The following DIS3L variants were observed in gnomAD, a reference collection of about 807,000 sequenced individuals.
DIS3L encodes DIS3 like exosome 3'-5' exoribonuclease, also known as DIS3-like exonuclease 1.
In DIS3L, 100 loss-of-function variants were observed where a neutral mutation model predicts 120.3. The observed-to-expected ratio is 0.83, with a 90% confidence interval of 0.71 to 0.98. The LOEUF is 0.98. DIS3L is among the 50% of genes least tolerant of loss of function. The pLI, the probability that DIS3L is intolerant of heterozygous loss-of-function variation, is 0.00. For missense variants in DIS3L, 1,196 were observed against 1,314.2 expected (o/e 0.91, Z 1.39); for synonymous variants, 426 against 470.6 (o/e 0.91, Z 1.23).
At chr15:66,294,139 G>T in intron 1 of DIS3L, 4 of 985,604 alleles carry the variant, frequency 4.1e-6, no homozygotes, top group Non-Finnish European at 4.8e-6. Context: ...AGCTGCTGCC[G>T]CTGCGAAGCT....
At chr15:66,294,801 T>G (rs1281943509) in intron 1 of DIS3L, among the ~76,000 whole-genome samples, 187 bp from the exon 2 acceptor site, 1 of 152,124 alleles carries the variant, frequency 6.6e-6, no homozygotes, top group Non-Finnish European at 1.5e-5. Context: ...TTATCACAGC[T>G]TCCAAAAAAA....
rs1279647363 is a variant in DIS3L, at chr15:66,311,663, G to C, written c.559-61G>C. 3.1e-6 allele frequency: 5 copies of C among 1,594,360 alleles called. No homozygotes were observed. The African/African-American group carries it at 5.4e-5, about 17-fold the overall frequency. On this transcript the variant is annotated intron_variant, in intron 4 of 16. Coordinates refer to ENST00000319212, the MANE Select transcript of DIS3L (RefSeq NM_001143688.3). ...TTCCTAGTCAGGAGTTTCTGTCATA[G>C]TACCATGGTGAAGAATCAGTACCTT...
intron 2 of DIS3L, among the ~76,000 whole-genome samples, chr15:66,298,000 C>T (rs1219012869): frequency 2.6e-5 from 4 of 151,960 alleles, no homozygotes; most frequent in East Asian, 1.9e-4. Flanking sequence ...GCCAACATGG[C>T]GAAATCCTGT....
At chr15:66,293,495 C>T, upstream of DIS3L, 1 of 1,243,342 alleles carries the variant, frequency 8.0e-7, no homozygotes. Context: ...GCAGTTACGG[C>T]GGTTCCGGAG....
At chr15:66,313,891 A>G in intron 5 of DIS3L, 148 bp from the exon 6 acceptor site, 93 of 494,868 alleles carry the variant, frequency 1.9e-4, no homozygotes, top group Middle Eastern at 1.8e-3. Flanking sequence ...GTGTGTGTAT[A>G]TATATATATA....
At chr15:66,297,454 A>G (rs1173988472) in intron 2 of DIS3L, among the ~76,000 whole-genome samples, 1 of 152,190 alleles carries the variant, frequency 6.6e-6, no homozygotes, top group Non-Finnish European at 1.5e-5. Context: ...TAAAAATCAT[A>G]TATATTTATG....
intron 4 of DIS3L, among the ~76,000 whole-genome samples, chr15:66,310,312 A>G (rs1421764266): frequency 6.6e-6 from 1 of 152,198 alleles, no homozygotes; most frequent in Admixed American, 6.5e-5. Flanking sequence ...TTCTGTTGCA[A>G]TACATCATGT....
rs2092929598 is a variant in DIS3L, at chr15:66,325,835, G to T, written c.1672G>T (p.Ala558Ser). ...CSLLGGVDRY[A>S]VSIMWELDKA... ...TCAATGTTACTGTTTTTGTAGGTAT[G>T]CTGTAAGCATCATGTGGGAACTGGA... The change falls in exon 12 of 17, where the codon GCT (alanine) becomes TCT (serine). Residue 558 changes from alanine (A) to serine (S), a missense_variant. Physicochemically the swap from Ala to Ser is moderately conservative, Grantham distance 99. Coordinates refer to ENST00000319212, the MANE Select transcript of DIS3L (RefSeq NM_001143688.3). 1 of 1,598,168 alleles carries T rather than the reference G, an allele frequency of 6.3e-7. No individual in the cohort carries two copies. Among genetic ancestry groups the T allele is most frequent in the Non-Finnish European group, 8.6e-7 (1 of 1,168,108 alleles).
intron 6 of DIS3L, among the ~76,000 whole-genome samples, chr15:66,314,743 A>C (rs1044845089): frequency 6.6e-6 from 1 of 152,214 alleles, no homozygotes; most frequent in Non-Finnish European, 1.5e-5. Flanking sequence ...ATAGGCTCAC[A>C]TAGTTGCATG....
At chr15:66,329,962 C>T (rs1188841724) in intron 14 of DIS3L, 18 of 984,546 alleles carry the variant, frequency 1.8e-5, no homozygotes, top group Non-Finnish European at 2.2e-5. Context: ...TATCTTACCA[C>T]CCAGAGCTAA....
chr15:66,306,698 G>A lies in DIS3L; in HGVS notation c.294-126G>A, dbSNP rs1201126167. The A allele has an allele frequency of 4.5e-6, 6 of 1,330,018 alleles. No homozygotes were observed. In the African/African-American group the frequency reaches 7.3e-5, roughly 16 times the overall value. The allele number at this position is 1,330,018 out of a possible 1,614,324, so 82.4% of individuals were successfully genotyped here. ...CACACTGAGACCAATATAAATACAT[G>A]TTCTTCAGGTTTAAAGTAATCAATC... On this transcript the variant is annotated intron_variant, in intron 2 of 16. Transcript: ENST00000319212.
chr15:66,293,820 G>A, intron 1 of DIS3L, 85 bp downstream of exon 1: 2 of 1,055,688 alleles, frequency 1.9e-6, no homozygotes, highest in Non-Finnish European at 2.3e-6. Context: ...GAGGCGGAGC[G>A]CCAGCGGCGG....
Position 66,311,905 on chromosome 15 carries a change from G to A in DIS3L, c.735+5G>A. 1.2e-6 allele frequency: 2 copies of A among 1,613,358 alleles called. No homozygotes were observed. Among genetic ancestry groups the A allele is most frequent in the Non-Finnish European group, 1.7e-6 (2 of 1,179,544 alleles). ...AAATCTGGACGCTATATCCAGGTGA[G>A]GGTGGTAATTTAGAATGTGTCAGGG... On this transcript the variant is annotated splice_donor_5th_base_variant and intron_variant, in intron 5 of 16. Transcript: ENST00000319212.
In DIS3L at chr15:66,331,864, G is replaced by A; in HGVS notation, c.2536-11G>A. Reference sequence around the variant, plus strand: ...GAGTGTTAAAATGCTTTGGAGTTGTGCTTCTTACAGGCAGCACAGCATTCT... The same window carrying A: ...GAGTGTTAAAATGCTTTGGAGTTGTACTTCTTACAGGCAGCACAGCATTCT... On this transcript the variant is annotated splice_polypyrimidine_tract_variant and intron_variant, in intron 14 of 16. Coordinates refer to ENST00000319212, the MANE Select transcript of DIS3L (RefSeq NM_001143688.3). 1 of 1,561,216 alleles carries A rather than the reference G, an allele frequency of 6.4e-7. No individual in the cohort carries two copies. Among genetic ancestry groups the A allele is most frequent in the Non-Finnish European group, 8.7e-7 (1 of 1,154,154 alleles).
At chr15:66,331,136 T>C (rs1234321863) in intron 14 of DIS3L, among the ~76,000 whole-genome samples, 1 of 151,740 alleles carries the variant, frequency 6.6e-6, no homozygotes, top group Non-Finnish European at 1.5e-5. Flanking sequence ...GCCTAGGCGA[T>C]AGAGTGAGAC....
At chr15:66,311,301 G>C (rs936790659) in intron 4 of DIS3L, among the ~76,000 whole-genome samples, 13 of 152,038 alleles carry the variant, frequency 8.6e-5, no homozygotes, top group African/African-American at 2.9e-4. Context: ...GGAGGTCAAG[G>C]CTGCAGTGAG....
rs1015326653 is a variant in DIS3L at position 66,306,704 on chromosome 15, C to T, written c.294-120C>T. On this transcript the variant is annotated intron_variant, in intron 2 of 16. Transcript: ENST00000319212. The stretch of plus-strand genomic sequence containing the variant: ...GAGACCAATATAAATACATGTTCTT[C>T]AGGTTTAAAGTAATCAATCTTTTGC... 1.8e-5 allele frequency: 24 copies of T among 1,367,642 alleles called. No individual in the cohort carries two copies. The African/African-American group carries it at 3.3e-4, about 19-fold the overall frequency. The allele number at this position is 1,367,642 out of a possible 1,614,324, so 84.7% of individuals were successfully genotyped here. A position where few individuals can be genotyped will look rare whatever the true frequency, so the allele number is the denominator to read the frequency against.
chr15:66,327,573 C>T (rs150236332), intron 12 of DIS3L, among the ~76,000 whole-genome samples: 13 of 151,602 alleles, frequency 8.6e-5, no homozygotes, highest in Non-Finnish European at 1.2e-4. Flanking sequence ...CTGGCTAACA[C>T]GGTGAAACCC....
chr15:66,327,127 A>T (rs1319604358), intron 12 of DIS3L, among the ~76,000 whole-genome samples: 2 of 150,020 alleles, frequency 1.3e-5, no homozygotes, highest in East Asian at 4.0e-4. Context: ...ACAGGGTTTC[A>T]CCATGTTGGT....
Sources: gnomAD v4.1 joint callset for allele counts (sites outside exome capture counted in the v4.1 genomes callset) on GRCh38, gnomAD v4.1.1 for gene constraint, MANE v1.5 for transcripts, NCBI Gene and HGNC (gene_info 2026-07-23, HGNC 2026-07-21) for gene names.